Variants in TMEM266 observed in about 807,000 individuals in gnomAD.
TMEM266 encodes Hv1 related protein 1.
Under a neutral mutation model 50.5 loss-of-function variants are expected in TMEM266, and 33 were observed. The observed-to-expected ratio is 0.65, with a 90% CI of 0.50 to 0.87. The LOEUF (loss-of-function observed/expected upper bound fraction) is 0.87. TMEM266 is among the 40% of genes least tolerant of loss of function. The pLI is 0.00. For missense variants in TMEM266, 655 were observed against 695.1 expected (o/e 0.94, Z 0.65); for synonymous variants, 310 against 292.3 (o/e 1.06, Z -0.62).
Position 76,204,404 on chromosome 15 carries a change from GC to G in TMEM266, c.*92del. 3 of 1,301,118 alleles carry G rather than the reference GC, an allele frequency of 2.3e-6. No homozygotes were observed. The highest frequency in any genetic ancestry group is 3.2e-6 in the Non-Finnish European group (3 of 949,618). The allele number at this position is 1,301,118 out of a possible 1,614,324, so 80.6% of individuals were successfully genotyped here. ...GAGGCTGCCAAGGGCCACACGCGGG[GC>G]CCAGGAGCCCACCTGGCCTCCCTCA... On this transcript the variant is annotated 3_prime_UTR_variant, in exon 11 of 11. Coordinates refer to ENST00000388942, the MANE Select transcript of TMEM266 (RefSeq NM_152335.3).
intron 1 of TMEM266, among the ~76,000 whole-genome samples, chr15:76,096,668 T>C (rs373366000): frequency 6.6e-6 from 1 of 152,024 alleles, no homozygotes; most frequent in African/African-American, 2.4e-5. Flanking sequence ...TCTGGTTAAT[T>C]TTCTGTCTCG....
rs201581800 is a variant in TMEM266, at chr15:76,147,769, GC to G, written c.228-8833del. On this transcript the variant is annotated intron_variant, in intron 3 of 10. Transcript: ENST00000388942. ...ATTAAGTCTGGTTGCAGTGGCTCAC[GC>G]CTGTAATCCCAACACTTTGGGAGGC... 9.0e-3 allele frequency among the ~76,000 whole-genome samples: 1,375 copies of G among 152,330 alleles called. 13 individuals carry two copies. The highest frequency in any genetic ancestry group is 0.031 in the African/African-American group (1,309 of 41,582).
intron 3 of TMEM266, among the ~76,000 whole-genome samples, chr15:76,140,263 G>T (rs902888092): frequency 6.6e-6 from 1 of 152,198 alleles, no homozygotes; most frequent in African/African-American, 2.4e-5. Flanking sequence ...GGAAGGAAGC[G>T]CAGGCACAGG....
In TMEM266 at chr15:76,111,979, G is replaced by C. The variant is rs75661286; in HGVS notation, c.-96-22189G>C. On this transcript the variant is annotated intron_variant, in intron 1 of 10. Transcript: ENST00000388942. ...GACATGAGCCATCAAGCCATGAAGT[G>C]ATATAGAGAAACCTTAAATGCCTCT... is the stretch of plus-strand genomic sequence containing the variant. The C allele has an allele frequency of 4.7e-3, 709 of 152,344 alleles. 8 individuals are homozygous for C. Among genetic ancestry groups the C allele is most frequent in the African/African-American group, 0.016 (674 of 41,578 alleles). The allele number at this position is 152,344 out of a possible 1,614,324, so 9.4% of individuals were successfully genotyped here.
At chr15:76,174,163 GAGGATAAAGAGGCAAA>G (rs2055417897) in intron 7 of TMEM266, among the ~76,000 whole-genome samples, 1 of 152,192 alleles carries the variant, frequency 6.6e-6, no homozygotes. Flanking sequence ...AGGAAGGGAA[GAGGATAAAGAGGCAAA>G]AGGAAGGCCC....
At position 76,100,999 on chromosome 15, in the gene TMEM266, GT is replaced by G. The variant is rs200834025; in HGVS notation, c.-96-33156del. ...CAATATGTGTTCAATGCTTACCTTG[GT>G]TTTTTTTTTTTTCTATATTCTCTCT... On this transcript the variant is annotated intron_variant, in intron 1 of 10. Transcript: ENST00000388942. 5.5e-4 allele frequency among the ~76,000 whole-genome samples: 79 copies of G among 144,308 alleles called. No homozygotes were observed. The Middle Eastern group carries it at 0.01, about 19-fold the overall frequency. 94.7% of individuals were successfully genotyped at this position (144,308 alleles called of 152,430 possible). A position where few individuals can be genotyped will look rare whatever the true frequency, so the allele number is the denominator to read the frequency against.
intron 1 of TMEM266, among the ~76,000 whole-genome samples, chr15:76,066,789 C>T (rs932977566): frequency 2.0e-5 from 3 of 152,148 alleles, no homozygotes; most frequent in African/African-American, 7.2e-5. Flanking sequence ...CTTCCCACCC[C>T]ACAACCCTGG....
At chr15:76,084,598 GT>G (rs111324062) in intron 1 of TMEM266, among the ~76,000 whole-genome samples, 121 of 87,636 alleles carry the variant, frequency 1.4e-3, no homozygotes, top group Non-Finnish European at 2.2e-3. Context: ...GTTTTTTTTG[GT>G]TTTTTTTTTT....
At chr15:76,169,997 T>G in intron 6 of TMEM266, 125 bp downstream of exon 6, 9 of 915,028 alleles carry the variant, frequency 9.8e-6, no homozygotes, top group East Asian at 2.7e-5. Context: ...ACTTGACCTC[T>G]GTGGCTGTGC....
At chr15:76,147,729 T>C (rs1313883851) in intron 3 of TMEM266, among the ~76,000 whole-genome samples, 1 of 152,216 alleles carries the variant, frequency 6.6e-6, no homozygotes, top group Non-Finnish European at 1.5e-5. Context: ...CCAGAGAAGT[T>C]TCCTAAAGAA....
At chr15:76,166,096 C>T (rs576992053) in intron 5 of TMEM266, among the ~76,000 whole-genome samples, 131 of 152,216 alleles carry the variant, frequency 8.6e-4, no homozygotes, top group South Asian at 3.7e-3. Flanking sequence ...ACAGGCAGTC[C>T]GTGGGTTAGT....
chr15:76,175,695 GCT>G (rs1398152258), intron 8 of TMEM266, 21 bp downstream of exon 8: 1 of 1,599,010 alleles, frequency 6.3e-7, no homozygotes, highest in African/African-American at 1.3e-5. Context: ...GCCACTTTCG[GCT>G]CTGTCCGTGG....
intron 1 of TMEM266, among the ~76,000 whole-genome samples, chr15:76,108,260 G>A (rs1387584481): frequency 6.6e-6 from 1 of 152,210 alleles, no homozygotes; most frequent in Admixed American, 6.5e-5. Flanking sequence ...TGGATGCCTG[G>A]CATTGGAGCC....
At chr15:76,148,270 CTTT>C (rs1204834302) in intron 3 of TMEM266, among the ~76,000 whole-genome samples, 4 of 152,186 alleles carry the variant, frequency 2.6e-5, no homozygotes, top group African/African-American at 7.2e-5. Context: ...TGAATATTGA[CTTT>C]GGCCAAATAG....
At chr15:76,070,494 T>G (rs757072413) in intron 1 of TMEM266, among the ~76,000 whole-genome samples, 4 of 152,186 alleles carry the variant, frequency 2.6e-5, no homozygotes, top group Non-Finnish European at 5.9e-5. Context: ...CCAAGCATGT[T>G]TATGACAGAA....
intron 1 of TMEM266, among the ~76,000 whole-genome samples, chr15:76,114,711 G>A (rs530185586): frequency 1.1e-4 from 16 of 151,806 alleles, no homozygotes; most frequent in African/African-American, 3.6e-4. Flanking sequence ...GTGGTAAAAC[G>A]TACATGAAAT....
intron 9 of TMEM266, among the ~76,000 whole-genome samples, chr15:76,198,932 G>GGGCTCTCAGACTCACGCCTTAAAGCCC: frequency 6.6e-6 from 1 of 152,212 alleles, no homozygotes; most frequent in East Asian, 1.9e-4. Context: ...GGAGCAGAGG[G>GGGCTCTCAGACTCACGCCTTAAAGCCC]AGTAGGGACA....
chr15:76,150,001 A>G (rs2037813099), intron 3 of TMEM266, among the ~76,000 whole-genome samples: 1 of 152,206 alleles, frequency 6.6e-6, no homozygotes, highest in African/African-American at 2.4e-5. Context: ...CAGCTGTGAC[A>G]CCCAGGACAC....
intron 5 of TMEM266, among the ~76,000 whole-genome samples, chr15:76,164,765 C>G (rs762433164): frequency 3.3e-5 from 5 of 152,242 alleles, no homozygotes; most frequent in Non-Finnish European, 7.3e-5. Context: ...ACGCACCACC[C>G]TACGCCCCCA....
Sources: allele counts gnomAD v4.1 joint callset (sites outside exome capture counted in the v4.1 genomes callset), GRCh38; gene constraint gnomAD v4.1.1; transcripts MANE v1.5; gene names NCBI Gene and HGNC (gene_info 2026-07-23, HGNC 2026-07-21).